Variants in MINDY3 observed in about 807,000 individuals in gnomAD.
MINDY3 encodes the protein MINDY lysine 48 deubiquitinase 3.
In MINDY3, 38 loss-of-function variants were observed where a neutral mutation model predicts 69.2. The observed-to-expected ratio is 0.55, with a 90% CI of 0.42 to 0.72. The LOEUF is 0.72. MINDY3 is among the 30% of genes least tolerant of loss of function. The probability of loss-of-function intolerance (pLI) is 0.00; values close to 1 mark genes in which losing one functional copy is unlikely to be tolerated. For missense variants in MINDY3, 522 were observed against 519.0 expected (o/e 1.01, Z -0.06); for synonymous variants, 192 against 180.1 (o/e 1.07, Z -0.53).
intron 10 of MINDY3, among the ~76,000 whole-genome samples, chr10:15,815,592 A>G (rs1275234378): frequency 1.3e-5 from 2 of 152,204 alleles, no homozygotes; most frequent in African/African-American, 4.8e-5. Flanking sequence ...GTATCTTCCT[A>G]CGAACATTCA....
chr10:15,788,074 G>GA (rs375568228), intron 12 of MINDY3, among the ~76,000 whole-genome samples: 3,435 of 144,824 alleles, frequency 0.024, 115 homozygotes, highest in African/African-American at 0.077. Context: ...GAAGAATTTG[G>GA]AAAAAAAAAA....
intron 1 of MINDY3, among the ~76,000 whole-genome samples, chr10:15,852,706 G>A (rs1312825040): frequency 1.3e-5 from 2 of 152,064 alleles, no homozygotes; most frequent in Admixed American, 6.6e-5. Context: ...ACTAGGGAGA[G>A]TAGCCAAATT....
At chr10:15,787,481 G>C (rs1837061952) in intron 12 of MINDY3, among the ~76,000 whole-genome samples, 1 of 152,150 alleles carries the variant, frequency 6.6e-6, no homozygotes, top group African/African-American at 2.4e-5. Flanking sequence ...GGGGATTTCA[G>C]GTGGTTCTAG....
chr10:15,810,777 A>G (rs1020973165), intron 10 of MINDY3, among the ~76,000 whole-genome samples: 6 of 152,220 alleles, frequency 3.9e-5, no homozygotes, highest in Admixed American at 3.9e-4. Flanking sequence ...GACAGATAAT[A>G]TAGAAAACAA....
chr10:15,840,131 A>C (rs899204447), intron 4 of MINDY3, among the ~76,000 whole-genome samples: 4 of 151,690 alleles, frequency 2.6e-5, no homozygotes, highest in South Asian at 2.1e-4. Flanking sequence ...ATACCTTTTC[A>C]AAAGATCAAC....
intron 8 of MINDY3, among the ~76,000 whole-genome samples, chr10:15,827,177 A>T (rs1473683430): frequency 3.7e-3 from 100 of 26,696 alleles, no homozygotes; most frequent in Non-Finnish European, 3.6e-3. Flanking sequence ...TAACAGGAGT[A>T]AAAAAAAAAA....
chr10:15,836,180 C>T (rs1230950351), intron 6 of MINDY3, among the ~76,000 whole-genome samples: 1 of 151,978 alleles, frequency 6.6e-6, no homozygotes, highest in Non-Finnish European at 1.5e-5. Context: ...TAGAGCTCCC[C>T]AAACCTGCAT....
At chr10:15,856,861 A>G (rs1184969167) in intron 1 of MINDY3, among the ~76,000 whole-genome samples, 1 of 152,094 alleles carries the variant, frequency 6.6e-6, no homozygotes, top group African/African-American at 2.4e-5. Flanking sequence ...GCTTCTTACC[A>G]TCTCCACTAC....
In MINDY3 at chr10:15,778,984, T is replaced by C. The variant is rs752377370; in HGVS notation, c.*8A>G. 1 of 1,611,136 alleles carries C rather than the reference T, an allele frequency of 6.2e-7. No homozygotes were observed. The highest frequency in any genetic ancestry group is 8.5e-7 in the Non-Finnish European group (1 of 1,178,270). On this transcript the variant is annotated 3_prime_UTR_variant, in exon 15 of 15. Coordinates refer to ENST00000277632, the MANE Select transcript of MINDY3 (RefSeq NM_024948.4). ...TATTAAGATCTTCCTTATAAATACT[T>C]AGACAAATTAATTTAGTGAAGGAGA...
At chr10:15,784,552 C>T (rs1006617598) in intron 13 of MINDY3, among the ~76,000 whole-genome samples, 2 of 152,098 alleles carry the variant, frequency 1.3e-5, no homozygotes, top group African/African-American at 4.8e-5. Flanking sequence ...TGAGACCAGC[C>T]TGACCAACAA....
intron 1 of MINDY3, among the ~76,000 whole-genome samples, chr10:15,851,585 G>A (rs1044734821): frequency 6.6e-6 from 1 of 151,894 alleles, no homozygotes; most frequent in Non-Finnish European, 1.5e-5. Context: ...CTGCTTCAAG[G>A]CTTCAAAACG....
chr10:15,787,608 A>G (rs1348088580), intron 12 of MINDY3, among the ~76,000 whole-genome samples: 2 of 152,066 alleles, frequency 1.3e-5, no homozygotes, highest in Non-Finnish European at 2.9e-5. Context: ...AGGGTAAGCT[A>G]TGTTTTAAGG....
intron 10 of MINDY3, among the ~76,000 whole-genome samples, chr10:15,810,432 T>G (rs936189944): frequency 6.6e-6 from 1 of 152,202 alleles, no homozygotes; most frequent in Non-Finnish European, 1.5e-5. Flanking sequence ...GACAGCTGTT[T>G]CTATTCAATA....
At chr10:15,833,738 A>C (rs769404327) in intron 7 of MINDY3, 29 bp from the exon 8 acceptor site, 9 of 1,387,536 alleles carry the variant, frequency 6.5e-6, no homozygotes, top group Non-Finnish European at 8.2e-6. Context: ...AAGCAATTAA[A>C]TATGAATATA....
chr10:15,840,776 C>A (rs563388113), intron 4 of MINDY3, among the ~76,000 whole-genome samples: 1 of 151,772 alleles, frequency 6.6e-6, no homozygotes, highest in Non-Finnish European at 1.5e-5. Flanking sequence ...CCATTTCACA[C>A]TGGCAGCTTT....
At chr10:15,807,405 T>C (rs1838710297) in intron 10 of MINDY3, among the ~76,000 whole-genome samples, 2 of 152,134 alleles carry the variant, frequency 1.3e-5, no homozygotes, top group African/African-American at 4.8e-5. Flanking sequence ...GAGCAAGACT[T>C]TGATAAGCGT....
rs557725272 is a variant in MINDY3 at position 15,821,770 on chromosome 10, T to C, written c.731-44A>G. ...ACAACAAAAAACGAAAACTTAGCAT[T>C]GTAGTAGTGTGTATAAATTTGAAAC... is the stretch of plus-strand genomic sequence containing the variant. On this transcript the variant is annotated intron_variant, in intron 8 of 14. Coordinates refer to ENST00000277632, the MANE Select transcript of MINDY3 (RefSeq NM_024948.4). The C allele has an allele frequency of 3.4e-5, 50 of 1,483,870 alleles. No individual in the cohort carries two copies. The South Asian group carries it at 5.9e-4, about 18-fold the overall frequency. 91.9% of individuals were successfully genotyped at this position (1,483,870 alleles called of 1,614,324 possible). A position where few individuals can be genotyped will look rare whatever the true frequency, so the allele number is the denominator to read the frequency against.
At chr10:15,831,650 A>G (rs576034270) in intron 8 of MINDY3, among the ~76,000 whole-genome samples, 1 of 151,324 alleles carries the variant, frequency 6.6e-6, no homozygotes, top group African/African-American at 2.4e-5. Flanking sequence ...TCACGTCAAG[A>G]GCTGCCTAAG....
At chr10:15,827,176 T>TAAAAAAAAAAA (rs56332799) in intron 8 of MINDY3, among the ~76,000 whole-genome samples, 2 of 44,858 alleles carry the variant, frequency 4.5e-5, no homozygotes, top group African/African-American at 2.1e-4. Flanking sequence ...ATAACAGGAG[T>TAAAAAAAAAAA]AAAAAAAAAA....
Sources: allele counts gnomAD v4.1 joint callset (sites outside exome capture counted in the v4.1 genomes callset), GRCh38; gene constraint gnomAD v4.1.1; transcripts MANE v1.5; gene names NCBI Gene and HGNC (gene_info 2026-07-23, HGNC 2026-07-21).